CRADD: variants seen among roughly 807,000 people sequenced by gnomAD.
CRADD encodes the protein death domain-containing protein CRADD.
In CRADD, 9 loss-of-function variants were observed where a neutral mutation model predicts 15.5. The ratio of observed to expected loss-of-function variants is 0.58; its 90% CI spans 0.35 to 1.01. CRADD has a LOEUF of 1.01. CRADD is among the 50% of genes least tolerant of loss of function. The pLI is 0.02. For missense variants in CRADD, 227 were observed against 250.3 expected (o/e 0.91, Z 0.63); for synonymous variants, 118 against 107.6 (o/e 1.10, Z -0.60).
At chr12:93,725,017 C>T (rs547255443) in intron 2 of CRADD, among the ~76,000 whole-genome samples, 49 of 152,194 alleles carry the variant, frequency 3.2e-4, no homozygotes, top group Non-Finnish European at 4.4e-4. Flanking sequence ...CCCGCCACCA[C>T]GCTTGGCTAA....
At chr12:93,860,965 G>C (rs1214761741) in intron 2 of CRADD, among the ~76,000 whole-genome samples, 1 of 152,166 alleles carries the variant, frequency 6.6e-6, no homozygotes, top group East Asian at 1.9e-4. Flanking sequence ...GGAGCGCCAG[G>C]CTGCTTGTGG....
At chr12:93,866,322 T>G (rs1204661065) in intron 2 of CRADD, among the ~76,000 whole-genome samples, 7 of 152,190 alleles carry the variant, frequency 4.6e-5, no homozygotes, top group Admixed American at 3.3e-4. Flanking sequence ...CTCTTATTTT[T>G]TGTCATTTTG....
At chr12:93,882,438 AACGGAAAAG>A (rs1958509279) in intron 2 of CRADD, among the ~76,000 whole-genome samples, 1 of 150,932 alleles carries the variant, frequency 6.6e-6, no homozygotes, top group Non-Finnish European at 1.5e-5. Flanking sequence ...AAAAAAAAAA[AACGGAAAAG>A]AAAAATATAT....
chr12:93,893,161 A>G lies in CRADD; in HGVS notation c.299-889A>G, dbSNP rs545366959. On this transcript the variant is annotated intron_variant, in intron 2 of 2. Coordinates refer to the CRADD transcript ENST00000548483. ...ACAGGAGAAATATTAGCCTTTAGAG[A>G]TTTCTTTACAGTTCCTTGAAAGCTG... Among the ~76,000 whole-genome samples, 32 of 152,202 alleles carry G rather than the reference A, an allele frequency of 2.1e-4. No individual in the cohort carries two copies. In the South Asian group the frequency reaches 6.6e-3, roughly 32 times the overall value.
At chr12:93,784,566 C>T (rs752970870) in intron 2 of CRADD, among the ~76,000 whole-genome samples, 1 of 152,056 alleles carries the variant, frequency 6.6e-6, no homozygotes, top group Non-Finnish European at 1.5e-5. Context: ...GTTTGGCCCT[C>T]TGTGGGCTTT....
chr12:93,819,598 A>G (rs1957746199), intron 2 of CRADD, among the ~76,000 whole-genome samples: 1 of 152,250 alleles, frequency 6.6e-6, no homozygotes, highest in Non-Finnish European at 1.5e-5. Flanking sequence ...TAAAAAAAGA[A>G]AGTGAATATG....
At chr12:93,732,720 C>T (rs1444644613) in intron 2 of CRADD, among the ~76,000 whole-genome samples, 1 of 152,152 alleles carries the variant, frequency 6.6e-6, no homozygotes, top group Admixed American at 6.5e-5. Flanking sequence ...GCAAGTCACT[C>T]TAGTCTCTCT....
chr12:93,849,740 CAAAAAAA>C (rs77041843), intron 2 of CRADD, among the ~76,000 whole-genome samples: 1 of 62,254 alleles, frequency 1.6e-5, no homozygotes, highest in Non-Finnish European at 3.5e-5. Flanking sequence ...AACACCGTCT[CAAAAAAA>C]AAAAAAAAAA....
At chr12:93,742,315 T>TC (rs1956682339) in intron 2 of CRADD, among the ~76,000 whole-genome samples, 1 of 152,060 alleles carries the variant, frequency 6.6e-6, no homozygotes, top group African/African-American at 2.4e-5. Context: ...TTTCTCGGAA[T>TC]CCCTGCTCTA....
At position 93,875,087 on chromosome 12, in the gene CRADD, T is replaced by C. The variant is rs1410934743; in HGVS notation, c.299-18963T>C. The stretch of plus-strand genomic sequence containing the variant: ...TCAGCTCTAATATTTGTTTTATATA[T>C]CTGGATGCTTCAGTGTTGAGTCCAT... On this transcript the variant is annotated intron_variant, in intron 2 of 2. Coordinates refer to the CRADD transcript ENST00000548483. Among the ~76,000 whole-genome samples, 4 of 152,244 alleles carry C rather than the reference T, an allele frequency of 2.6e-5. No homozygotes were observed. In the East Asian group the frequency reaches 7.7e-4, roughly 29 times the overall value.
chr12:93,737,919 T>G (rs1476618113), intron 2 of CRADD: 4 of 220,970 alleles, frequency 1.8e-5, no homozygotes, highest in Non-Finnish European at 3.5e-5. Context: ...ACCTGCCACA[T>G]TAGCAATTTG....
chr12:93,712,007 C>T (rs1169756793), intron 2 of CRADD, among the ~76,000 whole-genome samples: 1 of 152,116 alleles, frequency 6.6e-6, no homozygotes, highest in South Asian at 2.1e-4. Flanking sequence ...CTGCCCACCT[C>T]GGTCTCCCAA....
At chr12:93,726,197 A>G (rs1481011838) in intron 2 of CRADD, among the ~76,000 whole-genome samples, 2 of 138,990 alleles carry the variant, frequency 1.4e-5, no homozygotes, top group East Asian at 4.7e-4. Flanking sequence ...TTCGCCTCCC[A>G]GGTTCAAGCG....
In CRADD at chr12:93,885,296, G is replaced by T. The variant is rs146225331; in HGVS notation, c.299-8754G>T. Reference sequence around the variant, plus strand: ...TTTAGGCATTTCTTCTATGTCACAGGTATTTGGGCTATGCATTAAACCAAA... The same window carrying T: ...TTTAGGCATTTCTTCTATGTCACAGTTATTTGGGCTATGCATTAAACCAAA... On this transcript the variant is annotated intron_variant, in intron 2 of 2. Transcript: ENST00000548483. 5.8e-3 allele frequency among the ~76,000 whole-genome samples: 882 copies of T among 152,266 alleles called. 8 individuals are homozygous for T. Among genetic ancestry groups the T allele is most frequent in the African/African-American group, 0.02 (838 of 41,558 alleles).
At chr12:93,800,167 G>A (rs757972235) in intron 2 of CRADD, among the ~76,000 whole-genome samples, 34 of 152,274 alleles carry the variant, frequency 2.2e-4, no homozygotes, top group Non-Finnish European at 4.3e-4. Flanking sequence ...GCAGAATCAG[G>A]AAAGCTGGTG....
intron 2 of CRADD, among the ~76,000 whole-genome samples, chr12:93,711,001 C>A (rs1338828408): frequency 2.7e-5 from 4 of 149,786 alleles, no homozygotes; most frequent in African/African-American, 9.8e-5. Context: ...TGAGCCACAG[C>A]TGAAGATGAT....
intron 2 of CRADD, among the ~76,000 whole-genome samples, chr12:93,877,133 A>G (rs1593057666): frequency 6.6e-6 from 1 of 152,070 alleles, no homozygotes; most frequent in South Asian, 2.1e-4. Flanking sequence ...CCAGGCAGAG[A>G]CTCTTGTTCT....
At chr12:93,723,246 A>G (rs374229422) in intron 2 of CRADD, among the ~76,000 whole-genome samples, 5 of 152,238 alleles carry the variant, frequency 3.3e-5, no homozygotes, top group African/African-American at 9.6e-5. Context: ...TAGCCACAAG[A>G]TTAGAAATTC....
intron 2 of CRADD, among the ~76,000 whole-genome samples, chr12:93,734,689 C>A (rs1956532815): frequency 6.6e-6 from 1 of 152,206 alleles, no homozygotes. Context: ...TCTCCGGACC[C>A]CGTCCCTCGT....
Sources: gnomAD v4.1 joint callset for allele counts (sites outside exome capture counted in the v4.1 genomes callset) on GRCh38, gnomAD v4.1.1 for gene constraint, MANE v1.5 for transcripts, NCBI Gene and HGNC (gene_info 2026-07-23, HGNC 2026-07-21) for gene names.